DPP6: variants seen among roughly 807,000 people sequenced by gnomAD.
The protein encoded by DPP6 is A-type potassium channel modulatory protein DPP6.
DPP6 carries 69 observed loss-of-function variants against 122.6 expected under a neutral mutation model. That is an observed-to-expected ratio of 0.56 (90% CI 0.46 to 0.69). The LOEUF is 0.69. Ranked by LOEUF, DPP6 falls within the 30% of genes least tolerant of loss-of-function variation. DPP6 has a pLI of 0.00. For synonymous variants in DPP6, 418 were observed against 433.1 expected (o/e 0.97, Z 0.43); for missense variants, 928 against 1,116.9 (o/e 0.83, Z 2.41).
At chr7:153,985,767 G>A (rs1266783886) in intron 1 of DPP6, among the ~76,000 whole-genome samples, 1 of 152,156 alleles carries the variant, frequency 6.6e-6, no homozygotes, top group African/African-American at 2.4e-5. Flanking sequence ...TTTCCTAGAC[G>A]TGGGATTTGG....
intron 1 of DPP6, among the ~76,000 whole-genome samples, chr7:153,953,087 A>G (rs919485054): frequency 6.6e-6 from 1 of 152,212 alleles, no homozygotes; most frequent in African/African-American, 2.4e-5. Context: ...GTGAAATGAG[A>G]TAGTTCACCA....
Position 154,483,294 on chromosome 7 carries a change from A to G in DPP6, c.457+8257A>G, listed in dbSNP as rs998470436. On this transcript the variant is annotated intron_variant, in intron 3 of 25. Coordinates refer to ENST00000377770, the MANE Select transcript of DPP6 (RefSeq NM_130797.4). This position sits in a 1 kb window ranked among gnomAD's most constrained non-coding sequence, Gnocchi z 8.1. The stretch of plus-strand genomic sequence containing the variant: ...GCACCTCTTCCTGGCTCACAGCCCC[A>G]GGGACGTGTTTGTGTAGACAATAGT... 8.5e-5 allele frequency among the ~76,000 whole-genome samples: 13 copies of G among 152,190 alleles called. No homozygotes were observed. The highest frequency in any genetic ancestry group is 1.7e-4 in the African/African-American group (7 of 41,456).
chr7:154,675,379 G>T (rs1186046778), intron 7 of DPP6, among the ~76,000 whole-genome samples: 1 of 152,134 alleles, frequency 6.6e-6, no homozygotes, highest in African/African-American at 2.4e-5. Flanking sequence ...AAAAAAAATT[G>T]TGCTGTGTTT....
intron 1 of DPP6, among the ~76,000 whole-genome samples, chr7:154,421,504 A>C (rs1438323209): frequency 1.3e-5 from 2 of 151,938 alleles, no homozygotes; most frequent in African/African-American, 4.8e-5. Context: ...TTGTGTTTTT[A>C]GTAGAGACAG....
intron 16 of DPP6, among the ~76,000 whole-genome samples, chr7:154,841,499 G>C (rs762608414): frequency 1.3e-5 from 2 of 152,144 alleles, no homozygotes; most frequent in African/African-American, 2.4e-5. Context: ...TGAGTTCAAT[G>C]CAGATAATTC....
intron 1 of DPP6, among the ~76,000 whole-genome samples, chr7:154,324,864 G>GTTTTTTTTTTT (rs1172014611): frequency 5.0e-5 from 3 of 59,596 alleles, no homozygotes; most frequent in South Asian, 7.0e-4. Flanking sequence ...CTTTCCTTTT[G>GTTTTTTTTTTT]TTATTTTTTT....
intron 6 of DPP6, among the ~76,000 whole-genome samples, 190 bp downstream of exon 6, chr7:154,638,063 A>G (rs543813243): frequency 6.6e-6 from 1 of 152,250 alleles, no homozygotes; most frequent in South Asian, 2.1e-4. Context: ...GGGTCACTTG[A>G]GTCCACTCAC....
rs547689770 is a variant in DPP6, at chr7:154,794,569, C to T, written c.1260+367C>T. On this transcript the variant is annotated intron_variant, in intron 11 of 25. Transcript: ENST00000377770. ...CTCAGAGAGGAGGGGCCCTGCCTTT[C>T]CCCAGACCCCGCCGACAGCCTCCCC... 3.2e-3 allele frequency among the ~76,000 whole-genome samples: 480 copies of T among 152,364 alleles called. 6 individuals carry two copies. Among genetic ancestry groups the T allele is most frequent in the Middle Eastern group, 0.01 (3 of 294 alleles).
intron 3 of DPP6, among the ~76,000 whole-genome samples, chr7:154,494,599 G>A (rs1209279000): frequency 6.6e-6 from 1 of 151,818 alleles, no homozygotes; most frequent in East Asian, 1.9e-4. Context: ...TAAATTTCAT[G>A]ATAGCTTTCT....
chr7:154,496,165 C>CT lies in DPP6; in HGVS notation c.457+21137dup, dbSNP rs371428689. Among the ~76,000 whole-genome samples the CT allele has an allele frequency of 4.6e-3, 694 of 151,594 alleles. 4 individuals carry two copies. Among genetic ancestry groups the CT allele is most frequent in the African/African-American group, 0.016 (656 of 41,318 alleles). On this transcript the variant is annotated intron_variant, in intron 3 of 25. Transcript: ENST00000377770. ...GATGCCTATGATATGTTTCTAAGAT[C>CT]TTTTTTTTTCCTCTCTGGAATAAAT...
chr7:154,562,801 A>G (rs1563858976), intron 4 of DPP6, among the ~76,000 whole-genome samples: 1 of 152,180 alleles, frequency 6.6e-6, no homozygotes, highest in Non-Finnish European at 1.5e-5. Context: ...AATCAATTAA[A>G]TATTTAAATT....
intron 1 of DPP6, among the ~76,000 whole-genome samples, chr7:154,034,385 G>A (rs1191817670): frequency 6.6e-6 from 1 of 152,134 alleles, no homozygotes; most frequent in African/African-American, 2.4e-5. Flanking sequence ...AGAGGATGTG[G>A]AGCCTCTGAT....
intron 1 of DPP6, among the ~76,000 whole-genome samples, chr7:154,184,847 G>C (rs1167717673): frequency 6.6e-6 from 1 of 152,174 alleles, no homozygotes; most frequent in East Asian, 1.9e-4. Flanking sequence ...TCAGCAGCCA[G>C]CTCTGTGTTG....
chr7:154,816,066 G>A lies in DPP6; in HGVS notation c.1666+8954G>A, dbSNP rs544339872. On this transcript the variant is annotated intron_variant, in intron 16 of 25. Transcript: ENST00000377770. Reference sequence around the variant, plus strand: ...AGGGAGGTCTATGGAGTATGGAACCGTAGAGCTGGGTTCAAACCTGGACTC... The same window carrying A: ...AGGGAGGTCTATGGAGTATGGAACCATAGAGCTGGGTTCAAACCTGGACTC... 2.2e-4 allele frequency among the ~76,000 whole-genome samples: 33 copies of A among 152,252 alleles called. No individual in the cohort carries two copies. The South Asian group carries it at 2.3e-3, about 11-fold the overall frequency.
intron 3 of DPP6, among the ~76,000 whole-genome samples, chr7:154,479,851 T>C (rs770097057): frequency 1.3e-5 from 2 of 152,124 alleles, no homozygotes; most frequent in Non-Finnish European, 2.9e-5. Context: ...CTTTCTCATT[T>C]CTAGATGATG....
At chr7:154,543,942 C>T (rs918878717) in intron 4 of DPP6, among the ~76,000 whole-genome samples, 4 of 139,524 alleles carry the variant, frequency 2.9e-5, no homozygotes, top group Admixed American at 1.5e-4. Context: ...TGCAGTGAGT[C>T]GACATCGTTC....
chr7:154,113,479 C>T (rs528714483), intron 1 of DPP6, among the ~76,000 whole-genome samples: 2 of 151,958 alleles, frequency 1.3e-5, no homozygotes, highest in South Asian at 2.1e-4. Flanking sequence ...TAATAGCAAC[C>T]CTCATAGGTG....
the DPP6 span, among the ~76,000 whole-genome samples, chr7:153,863,656 T>C: frequency 6.6e-6 from 1 of 152,194 alleles, no homozygotes; most frequent in Non-Finnish European, 1.5e-5. Flanking sequence ...ACCCATCGAC[T>C]GAATTTAATT....
the DPP6 span, among the ~76,000 whole-genome samples, chr7:153,801,771 A>G: frequency 6.6e-6 from 1 of 152,192 alleles, no homozygotes; most frequent in Non-Finnish European, 1.5e-5. Context: ...ATAAACAAAA[A>G]GTCCTGCATT....
Sources: gnomAD v4.1 joint callset for allele counts (sites outside exome capture counted in the v4.1 genomes callset) on GRCh38, gnomAD v4.1.1 for gene constraint, Gnocchi (gnomAD v3.1) non-coding constraint, MANE v1.5 for transcripts, NCBI Gene and HGNC (gene_info 2026-07-23, HGNC 2026-07-21) for gene names.